GLIS3: variants seen among roughly 807,000 people sequenced by gnomAD.
GLIS3 encodes the protein zinc finger protein GLIS3.
GLIS3 carries 53 observed loss-of-function variants against 78.6 expected under a neutral mutation model. That is an observed-to-expected ratio of 0.67 (90% CI 0.54 to 0.85). The LOEUF is 0.85. GLIS3 is among the 40% of genes least tolerant of loss of function. The pLI is 0.00. For synonymous variants in GLIS3, 684 were observed against 509.9 expected (o/e 1.34, Z -4.60); for missense variants, 1,703 against 1,231.1 (o/e 1.38, Z -5.74).
At chr9:4,163,729 T>A (rs1276645717) in intron 2 of GLIS3, among the ~76,000 whole-genome samples, 2 of 152,214 alleles carry the variant, frequency 1.3e-5, no homozygotes, top group Non-Finnish European at 2.9e-5. Context: ...CACATAGTAT[T>A]TAGTATCTCA....
chr9:3,918,081 A>G, intron 6 of GLIS3, among the ~76,000 whole-genome samples: 1 of 152,228 alleles, frequency 6.6e-6, no homozygotes, highest in East Asian at 1.9e-4. Context: ...AATGTGGATG[A>G]AAATGTTTAG....
intron 4 of GLIS3, among the ~76,000 whole-genome samples, chr9:4,095,636 G>C (rs694522): frequency 0.3 from 46,133 of 151,902 alleles, 7,792 homozygotes; most frequent in African/African-American, 0.46. Context: ...TCTTGAACAA[G>C]ACAACACTAC....
chr9:3,842,231 T>C (rs1173732753), intron 9 of GLIS3, among the ~76,000 whole-genome samples: 1 of 152,136 alleles, frequency 6.6e-6, no homozygotes, highest in African/African-American at 2.4e-5. Flanking sequence ...CCCAGCATGT[T>C]GGGAGGCCGA....
At chr9:4,323,093 AG>A (rs1199466415) in intron 2 of GLIS3, among the ~76,000 whole-genome samples, 1 of 152,198 alleles carries the variant, frequency 6.6e-6, no homozygotes, top group Non-Finnish European at 1.5e-5. Context: ...TTTTTGTATA[AG>A]GTGTAAGGAA....
chr9:4,007,322 T>C (rs1344024987), intron 4 of GLIS3, among the ~76,000 whole-genome samples: 1 of 152,038 alleles, frequency 6.6e-6, no homozygotes, highest in Non-Finnish European at 1.5e-5. Flanking sequence ...ACCCCATCTT[T>C]CTCTGCCCCC....
At chr9:4,481,913 A>G in the GLIS3 span, among the ~76,000 whole-genome samples, 1 of 152,268 alleles carries the variant, frequency 6.6e-6, no homozygotes, top group African/African-American at 2.4e-5. Flanking sequence ...CTCTAAGTTT[A>G]CAATTTATAA....
the GLIS3 span, among the ~76,000 whole-genome samples, chr9:4,409,017 A>G: frequency 2.0e-5 from 3 of 152,190 alleles, no homozygotes; most frequent in Middle Eastern, 6.8e-3. Context: ...ATATATATGT[A>G]TATATGTATA....
At chr9:4,292,587 C>T (rs547320506) in intron 1 of GLIS3, among the ~76,000 whole-genome samples, 8 of 152,086 alleles carry the variant, frequency 5.3e-5, no homozygotes, top group Non-Finnish European at 8.8e-5. Flanking sequence ...CTTTATAAAA[C>T]GTAAGGATTC....
At position 3,898,850 on chromosome 9, in the gene GLIS3, C is replaced by T. The variant is rs375970704; in HGVS notation, c.1984-15G>A. ...CTGGACCGCAACTAAGAGGACAAAACGGAAGAGACATCGATAAGGAGAGCC... is the reference window on the plus strand; with the variant it reads ...CTGGACCGCAACTAAGAGGACAAAATGGAAGAGACATCGATAAGGAGAGCC... On this transcript the variant is annotated splice_polypyrimidine_tract_variant and intron_variant, in intron 6 of 10. Transcript: ENST00000381971. 45 of 1,613,836 alleles carry T rather than the reference C, an allele frequency of 2.8e-5. No individual in the cohort carries two copies. In the Middle Eastern group the frequency reaches 1.5e-3, roughly 55 times the overall value.
At chr9:4,401,664 T>A in the GLIS3 span, among the ~76,000 whole-genome samples, 1 of 151,438 alleles carries the variant, frequency 6.6e-6, no homozygotes, top group Non-Finnish European at 1.5e-5. Context: ...GCCTCCTGGG[T>A]TCAAGCGATT....
At chr9:3,991,783 C>CG (rs1159316054) in intron 4 of GLIS3, among the ~76,000 whole-genome samples, 1 of 149,736 alleles carries the variant, frequency 6.7e-6, no homozygotes, top group Non-Finnish European at 1.5e-5. Flanking sequence ...CTCCGCCTCC[C>CG]GGCTTCATGC....
chr9:4,019,959 T>C (rs778258027), intron 4 of GLIS3, among the ~76,000 whole-genome samples: 15 of 152,182 alleles, frequency 9.9e-5, no homozygotes, highest in South Asian at 2.1e-4. Flanking sequence ...GGTATTGTTA[T>C]GTTACACAGG....
intron 4 of GLIS3, among the ~76,000 whole-genome samples, chr9:4,004,934 G>A (rs771104987): frequency 6.6e-6 from 1 of 152,148 alleles, no homozygotes; most frequent in Non-Finnish European, 1.5e-5. Flanking sequence ...ATTGAATAAA[G>A]AAGTAACCTT....
the GLIS3 span, among the ~76,000 whole-genome samples, chr9:4,444,647 T>A: frequency 6.6e-6 from 1 of 152,214 alleles, no homozygotes; most frequent in Non-Finnish European, 1.5e-5. Flanking sequence ...CATCCCATCA[T>A]TAGAAGTCTG....
chr9:4,056,898 C>CA (rs1554683261), intron 4 of GLIS3, among the ~76,000 whole-genome samples: 1 of 98,060 alleles, frequency 1.0e-5, no homozygotes, highest in Admixed American at 1.2e-4. Context: ...CTTCAAGACA[C>CA]TTTTTTTTTT....
At chr9:4,325,420 C>G (rs1302916350) in intron 2 of GLIS3, among the ~76,000 whole-genome samples, 2 of 152,190 alleles carry the variant, frequency 1.3e-5, no homozygotes, top group African/African-American at 2.4e-5. Context: ...GAACAACATA[C>G]AGTTCATCTT....
the GLIS3 span, among the ~76,000 whole-genome samples, chr9:4,481,504 T>A: frequency 8.5e-6 from 1 of 118,160 alleles, no homozygotes; most frequent in Non-Finnish European, 1.7e-5. Context: ...AATTAATTAA[T>A]TAAAAACATA....
intron 2 of GLIS3, among the ~76,000 whole-genome samples, chr9:4,280,044 G>C (rs1199857957): frequency 1.3e-5 from 2 of 152,112 alleles, no homozygotes; most frequent in Non-Finnish European, 2.9e-5. Flanking sequence ...GTTTGAGGCA[G>C]GGTCTCACTC....
At chr9:3,915,670 G>A (rs796113019) in intron 6 of GLIS3, among the ~76,000 whole-genome samples, 6 of 152,242 alleles carry the variant, frequency 3.9e-5, no homozygotes, top group African/African-American at 1.4e-4. Context: ...CCTTCATGAT[G>A]TTGCCTGTCT....
Sources: allele counts gnomAD v4.1 joint callset (sites outside exome capture counted in the v4.1 genomes callset), GRCh38; gene constraint gnomAD v4.1.1; transcripts MANE v1.5; gene names NCBI Gene and HGNC (gene_info 2026-07-23, HGNC 2026-07-21).